MOBP: variants seen among roughly 807,000 people sequenced by gnomAD.
MOBP encodes the protein myelin associated oligodendrocyte basic protein.
MOBP carries 5 observed loss-of-function variants against 15.0 expected under a neutral mutation model. The ratio of observed to expected loss-of-function variants is 0.33; its 90% CI spans 0.17 to 0.70. The LOEUF is 0.70. Among genes scored for constraint, MOBP ranks in the 30% least tolerant of loss-of-function variants. The probability of loss-of-function intolerance (pLI) is 0.67; values close to 1 mark genes in which losing one functional copy is unlikely to be tolerated. For synonymous variants in MOBP, 88 were observed against 99.0 expected (o/e 0.89, Z 0.66); for missense variants, 188 against 257.8 (o/e 0.73, Z 1.85).
chr3:39,488,511 C>G (rs577457073), intron 2 of MOBP, among the ~76,000 whole-genome samples: 3 of 152,304 alleles, frequency 2.0e-5, no homozygotes, highest in South Asian at 2.1e-4. Context: ...CTTGCTAATG[C>G]TGTACTCTGA....
downstream of MOBP, among the ~76,000 whole-genome samples, chr3:39,504,952 A>C (rs781781581): frequency 4.6e-5 from 7 of 152,390 alleles, no homozygotes; most frequent in South Asian, 1.0e-3. Flanking sequence ...TGGATTCTTA[A>C]TAACTCCCTT....
intron 1 of MOBP, among the ~76,000 whole-genome samples, chr3:39,469,389 AAATTTATTTTAATT>A (rs2042435017): frequency 6.6e-6 from 1 of 151,246 alleles, no homozygotes; most frequent in Non-Finnish European, 1.5e-5. Flanking sequence ...GAATTAATTA[AAATTTATTTTAATT>A]GGAATTAATT....
At chr3:39,486,096 T>C (rs1166796337) in intron 2 of MOBP, among the ~76,000 whole-genome samples, 2 of 152,182 alleles carry the variant, frequency 1.3e-5, no homozygotes, top group Non-Finnish European at 2.9e-5. Context: ...TAAAAGAGTC[T>C]CTATGATTTG....
downstream of MOBP, chr3:39,526,386 G>A (rs2043324199): frequency 6.6e-6 from 1 of 152,188 alleles, no homozygotes; most frequent in South Asian, 2.1e-4. Context: ...ACAATTACTT[G>A]AAATGGGTGA....
chr3:39,493,594 A>G (rs1559420588), intron 2 of MOBP, among the ~76,000 whole-genome samples: 1 of 152,204 alleles, frequency 6.6e-6, no homozygotes, highest in African/African-American at 2.4e-5. Flanking sequence ...TTAATCAAAC[A>G]TCTTCTGAGC....
downstream of MOBP, among the ~76,000 whole-genome samples, chr3:39,518,325 G>C (rs1451442653): frequency 1.3e-5 from 2 of 152,234 alleles, no homozygotes; most frequent in African/African-American, 4.8e-5. Context: ...AGTTTCCTAA[G>C]TTTCTTCAGC....
At chr3:39,476,882 TG>T (rs894159882) in intron 1 of MOBP, among the ~76,000 whole-genome samples, 4 of 152,104 alleles carry the variant, frequency 2.6e-5, no homozygotes, top group Non-Finnish European at 5.9e-5. Flanking sequence ...CTGCTTCCAT[TG>T]ACCATTAAAA....
intron 2 of MOBP, among the ~76,000 whole-genome samples, chr3:39,486,834 C>G (rs1023132107): frequency 6.6e-6 from 1 of 150,680 alleles, no homozygotes; most frequent in Non-Finnish European, 1.5e-5. Context: ...TTTAAATATT[C>G]TGAATAGGAA....
chr3:39,489,424 T>G (rs1449172732), intron 2 of MOBP, among the ~76,000 whole-genome samples: 1 of 152,182 alleles, frequency 6.6e-6, no homozygotes, highest in Non-Finnish European at 1.5e-5. Context: ...AGGTACTCAA[T>G]AAATCTTCAA....
chr3:39,499,889 C>T (rs139471988), intron 2 of MOBP: 1 of 394,252 alleles, frequency 2.5e-6, no homozygotes, highest in Non-Finnish European at 5.1e-6. Flanking sequence ...CCCAAGCCCT[C>T]ATCTTTGGCC....
chr3:39,469,334 TTAAAATTTATTTTAATTGGAATTAAC>T (rs1559412479), intron 1 of MOBP, among the ~76,000 whole-genome samples: 2 of 141,884 alleles, frequency 1.4e-5, no homozygotes, highest in Admixed American at 6.9e-5. Context: ...TTAATTTTAA[TTAAAATTTATTTTAATTGGAATTAAC>T]TAAAATTTAT....
chr3:39,498,224 G>T (rs2042913845), intron 2 of MOBP, among the ~76,000 whole-genome samples: 1 of 152,196 alleles, frequency 6.6e-6, no homozygotes, highest in Non-Finnish European at 1.5e-5. Flanking sequence ...TTGGAGGGTG[G>T]CATGGGGCCG....
chr3:39,499,815 A>G, intron 2 of MOBP: 1 of 335,948 alleles, frequency 3.0e-6, no homozygotes. Flanking sequence ...TCTGCAATGC[A>G]GATAGGATGA....
downstream of MOBP, among the ~76,000 whole-genome samples, chr3:39,519,228 C>A (rs1375106197): frequency 1.3e-5 from 2 of 152,154 alleles, no homozygotes; most frequent in African/African-American, 4.8e-5. Flanking sequence ...TTCTTGAATT[C>A]TTTGTGAACA....
At chr3:39,494,796 C>CCCCCCCCCCA (rs3036570) in intron 2 of MOBP, among the ~76,000 whole-genome samples, 5 of 117,390 alleles carry the variant, frequency 4.3e-5, no homozygotes, top group Admixed American at 2.0e-4. Context: ...CCCCCCGCCC[C>CCCCCCCCCCA]CCGAGTTACG....
In MOBP at chr3:39,469,024, GTA is replaced by G. The variant is rs773039547; in HGVS notation, c.-89+1293_-89+1294del. On this transcript the variant is annotated intron_variant, in intron 1 of 3. Coordinates refer to ENST00000684792, the MANE Select transcript of MOBP (RefSeq NM_001393704.1). ...TATATATACATATATACATATGTGT[GTA>G]TATATATACATATATACATATGTGT... 6.7e-3 allele frequency among the ~76,000 whole-genome samples: 350 copies of G among 52,304 alleles called. 68 individuals carry two copies. Among genetic ancestry groups the G allele is most frequent in the African/African-American group, 0.044 (228 of 5,232 alleles). The allele number at this position is 52,304 out of a possible 152,430, so 34.3% of individuals were successfully genotyped here. A position where few individuals can be genotyped will look rare whatever the true frequency, so the allele number is the denominator to read the frequency against.
downstream of MOBP, among the ~76,000 whole-genome samples, chr3:39,503,966 C>T (rs1376401360): frequency 2.0e-5 from 3 of 152,076 alleles, no homozygotes; most frequent in Non-Finnish European, 4.4e-5. Flanking sequence ...TAAGCATTCA[C>T]CCCGCAAAGG....
chr3:39,505,297 G>A (rs2043033713), downstream of MOBP, among the ~76,000 whole-genome samples: 2 of 152,134 alleles, frequency 1.3e-5, no homozygotes, highest in Admixed American at 1.3e-4. Context: ...TGCTGTGTGT[G>A]CCTTTGACTC....
intron 3 of MOBP, among the ~76,000 whole-genome samples, chr3:39,522,825 A>C (rs999977518): frequency 1.3e-5 from 2 of 152,210 alleles, no homozygotes; most frequent in South Asian, 2.1e-4. Context: ...CCTCCAGCTC[A>C]ATCAGTTATT....
Sources: gnomAD v4.1 joint callset for allele counts (sites outside exome capture counted in the v4.1 genomes callset) on GRCh38, gnomAD v4.1.1 for gene constraint, MANE v1.5 for transcripts, NCBI Gene and HGNC (gene_info 2026-07-23, HGNC 2026-07-21) for gene names.